VTI1A: variants seen among roughly 807,000 people sequenced by gnomAD.
VTI1A encodes the protein vesicle transport through interaction with t-SNAREs homolog 1A.
Under a neutral mutation model 34.9 loss-of-function variants are expected in VTI1A, and 22 were observed. The observed-to-expected ratio is 0.63, with a 90% CI of 0.45 to 0.90. The LOEUF (loss-of-function observed/expected upper bound fraction) is 0.90. Among genes scored for constraint, VTI1A ranks in the 40% least tolerant of loss-of-function variants. The probability of loss-of-function intolerance (pLI) is 0.00; values close to 1 mark genes in which losing one functional copy is unlikely to be tolerated. For missense variants in VTI1A, 268 were observed against 275.6 expected, an observed-to-expected ratio of 0.97 and a Z score of 0.20; for synonymous variants, 87 against 97.3, an observed-to-expected ratio of 0.89 and a Z score of 0.62.
At chr10:112,833,169 C>T in the VTI1A span, among the ~76,000 whole-genome samples, 2 of 152,016 alleles carry the variant, frequency 1.3e-5, no homozygotes, top group African/African-American at 4.8e-5. Flanking sequence ...CATTGCTAAT[C>T]GATCCTGGCT....
At chr10:112,642,778 A>G (rs1024863733) in intron 5 of VTI1A, among the ~76,000 whole-genome samples, 1 of 152,100 alleles carries the variant, frequency 6.6e-6, no homozygotes, top group African/African-American at 2.4e-5. Context: ...GGCCGAGCAT[A>G]GGGAGAAGAC....
intron 1 of VTI1A, among the ~76,000 whole-genome samples, chr10:112,457,083 G>A (rs1847556633): frequency 6.6e-6 from 1 of 152,270 alleles, no homozygotes; most frequent in African/African-American, 2.4e-5. Context: ...AACAAGATTT[G>A]TTTGGGTAGC....
intron 3 of VTI1A, among the ~76,000 whole-genome samples, chr10:112,512,420 G>C (rs1416083435): frequency 6.6e-6 from 1 of 152,030 alleles, no homozygotes; most frequent in Admixed American, 6.6e-5. Context: ...CTGTAGAATT[G>C]TTTGAGTTCC....
chr10:112,633,212 G>A (rs747506367), intron 5 of VTI1A, among the ~76,000 whole-genome samples: 5 of 152,048 alleles, frequency 3.3e-5, no homozygotes, highest in Admixed American at 6.6e-5. Flanking sequence ...CTAGGTCTTC[G>A]GCATCATCTG....
intron 5 of VTI1A, among the ~76,000 whole-genome samples, chr10:112,603,786 C>G (rs982548803): frequency 6.6e-6 from 1 of 152,164 alleles, no homozygotes; most frequent in Non-Finnish European, 1.5e-5. Flanking sequence ...AATGCCTTCC[C>G]CATCCCCCAC....
At chr10:112,457,832 A>G (rs1847589800) in intron 1 of VTI1A, among the ~76,000 whole-genome samples, 1 of 152,184 alleles carries the variant, frequency 6.6e-6, no homozygotes, top group Non-Finnish European at 1.5e-5. Flanking sequence ...CCTTCAGGAG[A>G]ATGACCAGAT....
intron 7 of VTI1A, among the ~76,000 whole-genome samples, chr10:112,811,281 AG>A (rs1853283750): frequency 6.6e-6 from 1 of 152,176 alleles, no homozygotes. Flanking sequence ...TCAAAACCGC[AG>A]GAAGAGCCCG....
intron 5 of VTI1A, among the ~76,000 whole-genome samples, chr10:112,557,796 C>T (rs576212824): frequency 6.6e-6 from 1 of 152,258 alleles, no homozygotes; most frequent in South Asian, 2.1e-4. Flanking sequence ...AAAATGCCCA[C>T]TGTGTATTTT....
chr10:112,552,018 A>G (rs1347708005), intron 5 of VTI1A, among the ~76,000 whole-genome samples: 1 of 152,232 alleles, frequency 6.6e-6, no homozygotes, highest in African/African-American at 2.4e-5. Flanking sequence ...ATAGACAGAT[A>G]TGTAATTATT....
At chr10:112,560,536 G>A (rs984026853) in intron 5 of VTI1A, among the ~76,000 whole-genome samples, 1 of 151,158 alleles carries the variant, frequency 6.6e-6, no homozygotes, top group African/African-American at 2.4e-5. Flanking sequence ...TTCCTGAGAG[G>A]CATTTTGTTG....
intron 3 of VTI1A, among the ~76,000 whole-genome samples, chr10:112,475,656 G>A (rs1222174769): frequency 6.6e-6 from 1 of 152,094 alleles, no homozygotes; most frequent in Non-Finnish European, 1.5e-5. Flanking sequence ...CTTCTTAAAT[G>A]ACTTAAATTA....
In VTI1A at chr10:112,686,627, TC is replaced by T. The variant is rs552643278; in HGVS notation, c.560+17630del. On this transcript the variant is annotated intron_variant, in intron 7 of 7. Transcript: ENST00000393077. ...ATCTTCTTTGAGGTTTAAGTGTCCT[TC>T]TAAGTGGTATAGTGAGGCAGGATTT... Among the ~76,000 whole-genome samples, 191 of 152,278 alleles carry T rather than the reference TC, an allele frequency of 1.3e-3. 4 individuals carry two copies. The highest frequency in any genetic ancestry group is 9.5e-3 in the Admixed American group (145 of 15,296).
At chr10:112,786,866 GAATATTTCTTGT>G (rs1852304336) in intron 7 of VTI1A, among the ~76,000 whole-genome samples, 1 of 152,158 alleles carries the variant, frequency 6.6e-6, no homozygotes, top group African/African-American at 2.4e-5. Context: ...TGTTTATGAA[GAATATTTCTTGT>G]AATATTTTTG....
At chr10:112,773,998 T>C (rs1420366598) in intron 7 of VTI1A, among the ~76,000 whole-genome samples, 1 of 152,196 alleles carries the variant, frequency 6.6e-6, no homozygotes, top group Non-Finnish European at 1.5e-5. Flanking sequence ...TCCAGCTCCC[T>C]TATTTGGCAA....
chr10:112,575,140 A>G (rs1411860446), intron 5 of VTI1A, among the ~76,000 whole-genome samples: 2 of 152,208 alleles, frequency 1.3e-5, no homozygotes, highest in Admixed American at 6.5e-5. Context: ...TCACCTCTAT[A>G]TCTCTCTTTG....
chr10:112,800,602 T>C lies in VTI1A; in HGVS notation c.561-14688T>C, dbSNP rs75646419. ...GCCATTTATTTACTAATGTAATTCA[T>C]TAACAGAATGCTGCTATTATTGGCC... On this transcript the variant is annotated intron_variant, in intron 7 of 7. Transcript: ENST00000393077. Among the ~76,000 whole-genome samples, 245 of 152,372 alleles carry C rather than the reference T, an allele frequency of 1.6e-3. 1 individual carries two copies. Among genetic ancestry groups the C allele is most frequent in the African/African-American group, 5.8e-3 (241 of 41,592 alleles).
intron 5 of VTI1A, among the ~76,000 whole-genome samples, chr10:112,654,547 C>CATTG (rs760398246): frequency 1.8e-4 from 27 of 152,068 alleles, no homozygotes; most frequent in Non-Finnish European, 3.1e-4. Context: ...GGCTGGAGTG[C>CATTG]ATTGGCACAG....
intron 5 of VTI1A, among the ~76,000 whole-genome samples, chr10:112,592,609 G>T (rs1037320461): frequency 8.5e-5 from 13 of 152,184 alleles, no homozygotes; most frequent in African/African-American, 3.1e-4. Context: ...TCCGTGCTTT[G>T]ATTTACATCC....
rs1221005828 is a variant in VTI1A at position 112,514,488 on chromosome 10, C to T, written c.265-12599C>T. Among the ~76,000 whole-genome samples, 3 of 151,416 alleles carry T rather than the reference C, an allele frequency of 2.0e-5. No homozygotes were observed. The East Asian group carries it at 5.8e-4, about 29-fold the overall frequency. ...GATTTTTTTCTATTGTTTTTCTAGT[C>T]TCTTTTTTATTTATTTATGCCTTGA... On this transcript the variant is annotated intron_variant, in intron 3 of 7. Coordinates refer to ENST00000393077, the MANE Select transcript of VTI1A (RefSeq NM_145206.4).
Sources: allele counts gnomAD v4.1 joint callset (sites outside exome capture counted in the v4.1 genomes callset), GRCh38; gene constraint gnomAD v4.1.1; transcripts MANE v1.5; gene names NCBI Gene and HGNC (gene_info 2026-07-23, HGNC 2026-07-21).